The following CNTN5 variants were observed in gnomAD, a reference collection of about 807,000 sequenced individuals.
CNTN5 encodes the protein contactin 5.
Under a neutral mutation model 129.1 loss-of-function variants are expected in CNTN5, and 77 were observed. That is an observed-to-expected ratio of 0.60 (90% CI 0.50 to 0.72). CNTN5 has a LOEUF of 0.72. Ranked by LOEUF, CNTN5 falls within the 30% of genes least tolerant of loss-of-function variation. CNTN5 has a pLI of 0.00. For missense variants in CNTN5, 1,478 were observed against 1,328.8 expected (o/e 1.11, Z -1.75); for synonymous variants, 509 against 465.6 (o/e 1.09, Z -1.20).
At chr11:100,133,255 A>G (rs767545844) in intron 13 of CNTN5, among the ~76,000 whole-genome samples, 22 of 152,098 alleles carry the variant, frequency 1.4e-4, no homozygotes, top group Non-Finnish European at 2.8e-4. Flanking sequence ...CAGCTTTTAG[A>G]TACTCTGCAC....
intron 4 of CNTN5, among the ~76,000 whole-genome samples, chr11:99,842,485 C>T (rs778363102): frequency 1.3e-5 from 2 of 152,120 alleles, no homozygotes; most frequent in South Asian, 2.1e-4. Flanking sequence ...ACTTGAGTAG[C>T]AGATAATCAA....
intron 1 of CNTN5, among the ~76,000 whole-genome samples, chr11:99,242,607 G>A (rs1443079740): frequency 6.6e-6 from 1 of 152,030 alleles, no homozygotes; most frequent in Admixed American, 6.6e-5. Flanking sequence ...CATAGTACAC[G>A]ATAGTTTTTC....
At chr11:99,977,592 G>A (rs1339292758) in intron 8 of CNTN5, among the ~76,000 whole-genome samples, 1 of 152,158 alleles carries the variant, frequency 6.6e-6, no homozygotes, top group Non-Finnish European at 1.5e-5. Flanking sequence ...CTTACATGGT[G>A]GCAGGGGAGA....
intron 6 of CNTN5, among the ~76,000 whole-genome samples, chr11:99,858,930 T>TA (rs1374828951): frequency 6.6e-6 from 1 of 150,714 alleles, no homozygotes; most frequent in East Asian, 2.0e-4. Flanking sequence ...TACCTTCATT[T>TA]GAACTTCAAA....
chr11:99,085,852 T>C (rs1170073087), intron 1 of CNTN5, among the ~76,000 whole-genome samples: 5 of 152,202 alleles, frequency 3.3e-5, no homozygotes, highest in Non-Finnish European at 5.9e-5. Flanking sequence ...AGTGACATTT[T>C]AGCTATCATA....
intron 6 of CNTN5, among the ~76,000 whole-genome samples, chr11:99,884,990 CAG>C (rs1948863168): frequency 6.6e-6 from 1 of 151,854 alleles, no homozygotes; most frequent in South Asian, 2.1e-4. Context: ...ACAAACAAAA[CAG>C]GGAGAAAAAT....
chr11:100,242,133 ATCACC>A (rs1949754282), intron 16 of CNTN5, among the ~76,000 whole-genome samples: 1 of 152,090 alleles, frequency 6.6e-6, no homozygotes, highest in Non-Finnish European at 1.5e-5. Flanking sequence ...TTCTGACATT[ATCACC>A]TCCACTCTCC....
At chr11:99,607,044 A>G (rs1289570347) in intron 3 of CNTN5, among the ~76,000 whole-genome samples, 1 of 117,524 alleles carries the variant, frequency 8.5e-6, no homozygotes, top group African/African-American at 3.3e-5. Flanking sequence ...GTGGGCAAGG[A>G]CTTCATGTCC....
chr11:100,154,902 T>G (rs1448779385), intron 13 of CNTN5, among the ~76,000 whole-genome samples: 1 of 152,186 alleles, frequency 6.6e-6, no homozygotes, highest in Admixed American at 6.5e-5. Flanking sequence ...GTTCTTTCTT[T>G]GTAGATTCTG....
At chr11:99,996,785 C>G (rs988962610) in intron 8 of CNTN5, among the ~76,000 whole-genome samples, 1 of 152,106 alleles carries the variant, frequency 6.6e-6, no homozygotes, top group Admixed American at 6.6e-5. Flanking sequence ...GTACATCTTA[C>G]ATGGCAGCAG....
At chr11:100,323,237 A>G (rs1003680795) in intron 21 of CNTN5, among the ~76,000 whole-genome samples, 1 of 152,252 alleles carries the variant, frequency 6.6e-6, no homozygotes, top group Non-Finnish European at 1.5e-5. Flanking sequence ...TTTATCATTC[A>G]GCCAAGGATT....
intron 16 of CNTN5, among the ~76,000 whole-genome samples, chr11:100,239,193 T>A (rs1327804395): frequency 6.6e-6 from 1 of 152,244 alleles, no homozygotes; most frequent in Non-Finnish European, 1.5e-5. Context: ...GTAATGGATA[T>A]CTTAGTTTAC....
At chr11:100,043,222 A>G (rs1942473367) in intron 9 of CNTN5, among the ~76,000 whole-genome samples, 1 of 152,184 alleles carries the variant, frequency 6.6e-6, no homozygotes, top group Admixed American at 6.5e-5. Context: ...CAGCAAAATT[A>G]TTTCATTTTC....
intron 9 of CNTN5, among the ~76,000 whole-genome samples, chr11:100,036,027 C>A (rs144817684): frequency 6.6e-6 from 1 of 152,156 alleles, no homozygotes; most frequent in Non-Finnish European, 1.5e-5. Flanking sequence ...GTGTTTGAGA[C>A]GTGAAGTCCT....
At chr11:100,030,495 AC>A (rs1233810354) in intron 9 of CNTN5, among the ~76,000 whole-genome samples, 1 of 152,160 alleles carries the variant, frequency 6.6e-6, no homozygotes, top group East Asian at 1.9e-4. Context: ...TTACCACCTG[AC>A]CCCGTTAAGC....
At chr11:100,079,692 A>G (rs1347392631) in intron 13 of CNTN5, among the ~76,000 whole-genome samples, 1 of 151,826 alleles carries the variant, frequency 6.6e-6, no homozygotes, top group Non-Finnish European at 1.5e-5. Flanking sequence ...TCCCCCCATC[A>G]CTTTCACTTT....
At chr11:99,622,910 C>A (rs1032324377) in intron 3 of CNTN5, among the ~76,000 whole-genome samples, 9 of 151,936 alleles carry the variant, frequency 5.9e-5, no homozygotes, top group Non-Finnish European at 1.0e-4. Context: ...CATAACCCTC[C>A]AACATTACTG....
intron 1 of CNTN5, among the ~76,000 whole-genome samples, chr11:99,062,630 T>C (rs1864933738): frequency 6.6e-6 from 1 of 151,978 alleles, no homozygotes; most frequent in South Asian, 2.1e-4. Flanking sequence ...AGGAGAGGAC[T>C]CAGGATAACA....
At chr11:99,267,124 A>G (rs1862938163) in intron 1 of CNTN5, among the ~76,000 whole-genome samples, 1 of 152,066 alleles carries the variant, frequency 6.6e-6, no homozygotes, top group African/African-American at 2.4e-5. Flanking sequence ...GATGAATGAC[A>G]CTGATACCAC....
Sources: allele counts gnomAD v4.1 joint callset (sites outside exome capture counted in the v4.1 genomes callset), GRCh38; gene constraint gnomAD v4.1.1; transcripts MANE v1.5; gene names NCBI Gene and HGNC (gene_info 2026-07-23, HGNC 2026-07-21).